The following SDK1 variants were observed in gnomAD, a reference collection of about 807,000 sequenced individuals.
The protein encoded by SDK1 is sidekick cell adhesion molecule 1.
A neutral mutation model predicts 245.5 loss-of-function variants in SDK1; 157 were observed. The observed-to-expected ratio is 0.64, with a 90% CI of 0.56 to 0.73. SDK1 has a LOEUF of 0.73. Ranked by LOEUF, SDK1 falls within the 30% of genes least tolerant of loss-of-function variation. The pLI, the probability that SDK1 is intolerant of heterozygous loss-of-function variation, is 0.00. For synonymous variants in SDK1, 1,647 were observed against 1,278.5 expected, an observed-to-expected ratio of 1.29 and a Z score of -6.15; for missense variants, 3,583 against 3,002.3, an observed-to-expected ratio of 1.19 and a Z score of -4.52.
Position 3,481,324 on chromosome 7 carries a change from C to T in SDK1, c.299-137756C>T, listed in dbSNP as rs188943118. On this transcript the variant is annotated intron_variant, in intron 1 of 44. Coordinates refer to ENST00000404826, the MANE Select transcript of SDK1 (RefSeq NM_152744.4). The stretch of plus-strand genomic sequence containing the variant: ...GAAGCTGGACTTGAACTCTGTTCAT[C>T]TGACTGTAGTGACTGCATATCATCC... 2.2e-4 allele frequency among the ~76,000 whole-genome samples: 33 copies of T among 152,326 alleles called. No homozygotes were observed. In the South Asian group the frequency reaches 3.7e-3, roughly 17 times the overall value.
At chr7:3,474,091 GTTTTTTTTTT>G (rs869083123) in intron 1 of SDK1, among the ~76,000 whole-genome samples, 23 of 43,230 alleles carry the variant, frequency 5.3e-4, no homozygotes, top group African/African-American at 1.6e-3. Context: ...ACCAGATGGT[GTTTTTTTTTT>G]TTTTTTTTTT....
chr7:3,642,234 T>G, intron 4 of SDK1, 129 bp downstream of exon 4: 1 of 761,458 alleles, frequency 1.3e-6, no homozygotes, highest in Non-Finnish European at 2.0e-6. Flanking sequence ...AGGAGTCCTA[T>G]CCTAATTTTT....
At chr7:3,739,823 G>T (rs1779426118) in intron 4 of SDK1, among the ~76,000 whole-genome samples, 1 of 151,362 alleles carries the variant, frequency 6.6e-6, no homozygotes, top group Non-Finnish European at 1.5e-5. Flanking sequence ...CTATTTCTTT[G>T]CATATTTCAT....
chr7:3,412,558 G>A (rs1036860375), intron 1 of SDK1, among the ~76,000 whole-genome samples: 5 of 152,170 alleles, frequency 3.3e-5, no homozygotes, highest in East Asian at 3.8e-4. Flanking sequence ...TTGCTCTTAC[G>A]CAGAGTGCTG....
chr7:4,156,786 C>T (rs1250183765), intron 30 of SDK1, among the ~76,000 whole-genome samples: 1 of 152,176 alleles, frequency 6.6e-6, no homozygotes, highest in Non-Finnish European at 1.5e-5. Flanking sequence ...CTCTGGACTT[C>T]AGAGACTTCA....
At chr7:3,533,490 G>C (rs776126034) in intron 1 of SDK1, among the ~76,000 whole-genome samples, 27 of 152,134 alleles carry the variant, frequency 1.8e-4, no homozygotes, top group Admixed American at 2.6e-4. Context: ...TTATGTTATA[G>C]GCATTGTTTT....
intron 1 of SDK1, among the ~76,000 whole-genome samples, chr7:3,454,581 T>C (rs1780618144): frequency 6.6e-6 from 1 of 152,206 alleles, no homozygotes; most frequent in Non-Finnish European, 1.5e-5. Context: ...ACACATTTGT[T>C]TTCCGTTTCT....
chr7:3,847,364 A>T (rs1404760791), intron 5 of SDK1, among the ~76,000 whole-genome samples: 2 of 152,174 alleles, frequency 1.3e-5, no homozygotes, highest in Non-Finnish European at 2.9e-5. Flanking sequence ...CTTCCATTAA[A>T]TGGCCAGATT....
At chr7:3,559,960 C>G (rs1201687998) in intron 1 of SDK1, among the ~76,000 whole-genome samples, 1 of 152,158 alleles carries the variant, frequency 6.6e-6, no homozygotes, top group East Asian at 1.9e-4. Context: ...CACCTCACAA[C>G]TTTGAAGAAC....
intron 1 of SDK1, among the ~76,000 whole-genome samples, chr7:3,550,728 T>C (rs1280856677): frequency 6.6e-6 from 1 of 152,242 alleles, no homozygotes; most frequent in Non-Finnish European, 1.5e-5. Context: ...TTATATGATA[T>C]TAATATGGAT....
intron 4 of SDK1, among the ~76,000 whole-genome samples, chr7:3,703,671 C>G (rs941373560): frequency 6.6e-6 from 1 of 152,094 alleles, no homozygotes; most frequent in African/African-American, 2.4e-5. Flanking sequence ...GGGTAAAGGG[C>G]GCCTGATTTT....
chr7:4,105,463 C>T (rs536943779), intron 22 of SDK1, among the ~76,000 whole-genome samples: 2 of 151,868 alleles, frequency 1.3e-5, no homozygotes, highest in Admixed American at 6.6e-5. Flanking sequence ...CGTGCCACCA[C>T]ACCCAGCCAA....
chr7:4,078,212 G>A (rs1158843721), intron 21 of SDK1, among the ~76,000 whole-genome samples: 5 of 152,122 alleles, frequency 3.3e-5, no homozygotes, highest in Non-Finnish European at 7.3e-5. Context: ...GCTTGTAGCT[G>A]GAGAGGGGTC....
intron 1 of SDK1, among the ~76,000 whole-genome samples, chr7:3,533,390 G>T (rs1397288294): frequency 1.3e-5 from 2 of 152,144 alleles, no homozygotes; most frequent in African/African-American, 4.8e-5. Flanking sequence ...ACCAAGGGAG[G>T]ACTTCCATTT....
At chr7:3,947,163 G>A (rs912047874) in intron 5 of SDK1, among the ~76,000 whole-genome samples, 1 of 150,874 alleles carries the variant, frequency 6.6e-6, no homozygotes, top group Non-Finnish European at 1.5e-5. Flanking sequence ...ATGCATGCAT[G>A]CACACACACA....
intron 1 of SDK1, among the ~76,000 whole-genome samples, chr7:3,339,125 A>G (rs1206049043): frequency 5.3e-5 from 8 of 152,198 alleles, no homozygotes; most frequent in Non-Finnish European, 8.8e-5. Flanking sequence ...ATGCCATACA[A>G]ACATGAATTT....
At chr7:4,025,049 CAA>C (rs1432724428) in intron 17 of SDK1, among the ~76,000 whole-genome samples, 5 of 145,110 alleles carry the variant, frequency 3.4e-5, no homozygotes, top group African/African-American at 1.1e-4. Context: ...CACACACACA[CAA>C]ACAGAGCATC....
intron 4 of SDK1, among the ~76,000 whole-genome samples, chr7:3,645,529 T>C (rs1046729646): frequency 1.3e-5 from 2 of 152,218 alleles, no homozygotes; most frequent in Non-Finnish European, 2.9e-5. Context: ...ACTGATTTGA[T>C]CTTTACAAAT....
At chr7:4,106,532 G>A (rs748808949) in intron 22 of SDK1, among the ~76,000 whole-genome samples, 12 of 152,112 alleles carry the variant, frequency 7.9e-5, no homozygotes, top group Non-Finnish European at 1.3e-4. Flanking sequence ...TCCTGACCTT[G>A]TGATCCACCC....
Sources: gnomAD v4.1 joint callset for allele counts (sites outside exome capture counted in the v4.1 genomes callset) on GRCh38, gnomAD v4.1.1 for gene constraint, MANE v1.5 for transcripts, NCBI Gene and HGNC (gene_info 2026-07-23, HGNC 2026-07-21) for gene names.